The following RYR3 variants were observed in gnomAD, a reference collection of about 807,000 sequenced individuals.
RYR3 encodes brain ryanodine receptor-calcium release channel.
In RYR3, 207 loss-of-function variants were observed where a neutral mutation model predicts 584.3. That is an observed-to-expected ratio of 0.35 (90% confidence interval 0.32 to 0.40). RYR3 has a LOEUF of 0.40. Ranked by LOEUF, RYR3 falls within the 10% of genes least tolerant of loss-of-function variation. The probability of loss-of-function intolerance (pLI) is 1.00; values close to 1 mark genes in which losing one functional copy is unlikely to be tolerated. For synonymous variants in RYR3, 2,416 were observed against 2,248.5 expected, an observed-to-expected ratio of 1.07 and a Z score of -2.11; for missense variants, 5,616 against 6,089.2, an observed-to-expected ratio of 0.92 and a Z score of 2.59.
At chr15:33,767,312 G>A (rs112827909) in intron 60 of RYR3, among the ~76,000 whole-genome samples, 2,449 of 121,674 alleles carry the variant, frequency 0.02, 61 homozygotes, top group African/African-American at 0.08. Flanking sequence ...TCAACTACCC[G>A]TCTCTGAAAA....
At chr15:33,717,115 C>T (rs747157459) in intron 43 of RYR3, among the ~76,000 whole-genome samples, 2 of 152,186 alleles carry the variant, frequency 1.3e-5, no homozygotes, top group Admixed American at 6.5e-5. Context: ...CGATTAAATA[C>T]TGGCCTTCAA....
rs1319506982 is a variant in RYR3, at chr15:33,363,555, T to A, written c.51+52459T>A. ...ATGTGGATATTTTAAAAAACCCTAT[T>A]TTTAGATATTTGTATCCGTATTTTT... On this transcript the variant is annotated intron_variant, in intron 1 of 103. Transcript: ENST00000634891. 3.3e-5 allele frequency among the ~76,000 whole-genome samples: 5 copies of A among 152,324 alleles called. 1 individual carries two copies. In the East Asian group the frequency reaches 5.8e-4, roughly 18 times the overall value.
chr15:33,699,601 TC>T, intron 40 of RYR3, 102 bp from the exon 41 acceptor site: 1 of 1,019,298 alleles, frequency 9.8e-7, no homozygotes, highest in Non-Finnish European at 1.4e-6. Context: ...AGTTCATTTT[TC>T]CAAGTGTTCA....
intron 1 of RYR3, among the ~76,000 whole-genome samples, chr15:33,425,578 T>TC (rs1418509291): frequency 6.6e-6 from 1 of 151,894 alleles, no homozygotes; most frequent in Non-Finnish European, 1.5e-5. Context: ...TCTGCTATAG[T>TC]CTACAGTCTG....
At chr15:33,618,393 C>A (rs2060557888) in intron 19 of RYR3, among the ~76,000 whole-genome samples, 1 of 152,172 alleles carries the variant, frequency 6.6e-6, no homozygotes, top group African/African-American at 2.4e-5. Flanking sequence ...TTCCAGCTTG[C>A]TGTGGTCAAT....
intron 10 of RYR3, among the ~76,000 whole-genome samples, chr15:33,559,025 A>G (rs2057258272): frequency 1.3e-5 from 2 of 152,084 alleles, no homozygotes. Context: ...GGAGCATGGG[A>G]GTTGCTATTA....
At chr15:33,584,334 A>G in intron 14 of RYR3, 61 bp from the exon 15 acceptor site, 1 of 865,452 alleles carries the variant, frequency 1.2e-6, no homozygotes. Flanking sequence ...CAGCTTTCCA[A>G]GTTCTCACGC....
At chr15:33,698,990 A>G (rs1379643458) in intron 40 of RYR3, among the ~76,000 whole-genome samples, 5 of 152,232 alleles carry the variant, frequency 3.3e-5, no homozygotes, top group Admixed American at 1.3e-4. Flanking sequence ...AGAAAAGCCA[A>G]GTACAATCAA....
At chr15:33,417,385 C>A (rs1387241756) in intron 1 of RYR3, among the ~76,000 whole-genome samples, 1 of 152,056 alleles carries the variant, frequency 6.6e-6, no homozygotes, top group Non-Finnish European at 1.5e-5. Context: ...TTGTAGTTCT[C>A]CTATAAAGAT....
At chr15:33,338,224 C>A (rs902478213) in intron 1 of RYR3, among the ~76,000 whole-genome samples, 13 of 152,150 alleles carry the variant, frequency 8.5e-5, no homozygotes, top group African/African-American at 3.1e-4. Flanking sequence ...GGATTACAGG[C>A]GTGAGCCACC....
intron 69 of RYR3, among the ~76,000 whole-genome samples, chr15:33,802,627 C>T (rs62016672): frequency 6.6e-6 from 1 of 151,924 alleles, no homozygotes; most frequent in East Asian, 1.9e-4. Flanking sequence ...CGGCTCTGCA[C>T]GCTGAGGCTT....
Position 33,830,777 on chromosome 15 carries a change from A to G in RYR3, c.11335-186A>G, listed in dbSNP as rs976793023. The G allele has an allele frequency of 8.0e-6, 4 of 501,690 alleles. No homozygotes were observed. In the East Asian group the frequency reaches 1.3e-4, roughly 17 times the overall value. 31.1% of individuals were successfully genotyped at this position (501,690 alleles called of 1,614,324 possible). ...CACTCCTATCTATTCTTTCCTCTGC[A>G]GGGATATTTGTGCATGAAAGATCCT... On this transcript the variant is annotated intron_variant, in intron 85 of 103. Coordinates refer to ENST00000634891, the MANE Select transcript of RYR3 (RefSeq NM_001036.6).
chr15:33,839,943 A>G (rs888121371), intron 89 of RYR3, among the ~76,000 whole-genome samples: 4 of 152,242 alleles, frequency 2.6e-5, no homozygotes, highest in African/African-American at 9.6e-5. Context: ...CAGGACTGCT[A>G]TGTGCCAGCC....
intron 100 of RYR3, 88 bp from the exon 101 acceptor site, chr15:33,860,507 T>TA (rs397973618): frequency 8.2e-6 from 6 of 730,400 alleles, no homozygotes; most frequent in African/African-American, 3.6e-5. Context: ...TTTTTTTTTT[T>TA]AACAGAACAA....
intron 15 of RYR3, among the ~76,000 whole-genome samples, chr15:33,584,697 C>T (rs894327251): frequency 6.6e-6 from 1 of 152,204 alleles, no homozygotes; most frequent in Admixed American, 6.5e-5. Context: ...AACAATCCTT[C>T]CTTTTTAAAT....
chr15:33,809,547 G>A (rs2076397006), intron 70 of RYR3, among the ~76,000 whole-genome samples: 1 of 151,866 alleles, frequency 6.6e-6, no homozygotes, highest in Non-Finnish European at 1.5e-5. Context: ...GGATGCTGAG[G>A]GTTCTCAGTG....
intron 40 of RYR3, among the ~76,000 whole-genome samples, chr15:33,699,073 G>A (rs2066070696): frequency 6.6e-6 from 1 of 152,176 alleles, no homozygotes; most frequent in Admixed American, 6.5e-5. Flanking sequence ...TCCCATAGAA[G>A]AGCAATTATC....
chr15:33,436,657 C>T (rs538604869), intron 1 of RYR3, among the ~76,000 whole-genome samples: 8 of 145,230 alleles, frequency 5.5e-5, no homozygotes, highest in African/African-American at 8.3e-5. Context: ...CCTGCCACCA[C>T]GCCAGGCTAA....
chr15:33,663,798 A>G, intron 36 of RYR3, 61 bp downstream of exon 36: 1 of 1,427,416 alleles, frequency 7.0e-7, no homozygotes, highest in Non-Finnish European at 9.6e-7. Flanking sequence ...CCTATGGAAC[A>G]GGGCACATGA....
Sources: gnomAD v4.1 joint callset for allele counts (sites outside exome capture counted in the v4.1 genomes callset) on GRCh38, gnomAD v4.1.1 for gene constraint, MANE v1.5 for transcripts, NCBI Gene and HGNC (gene_info 2026-07-23, HGNC 2026-07-21) for gene names.